Variants in BTAF1 observed in about 807,000 individuals in gnomAD.
BTAF1 encodes the protein B-TFIID TATA-box binding protein associated factor 1, also known as TATA-binding protein-associated factor 172.
Under a neutral mutation model 227.1 loss-of-function variants are expected in BTAF1, and 38 were observed. That is an observed-to-expected ratio of 0.17 (90% CI 0.13 to 0.22). BTAF1 has a LOEUF of 0.22. BTAF1 is among the 10% of genes least tolerant of loss of function. BTAF1 has a pLI of 1.00. For missense variants in BTAF1, 1,598 were observed against 2,204.0 expected, an observed-to-expected ratio of 0.73 and a Z score of 5.51; for synonymous variants, 742 against 751.9, an observed-to-expected ratio of 0.99 and a Z score of 0.21.
At chr10:92,001,977 TATATATATACACAC>T (rs1215930078) in intron 25 of BTAF1, among the ~76,000 whole-genome samples, 6 of 70,606 alleles carry the variant, frequency 8.5e-5, no homozygotes, top group Non-Finnish European at 1.8e-4. Context: ...ACCATATATA[TATATATATACACAC>T]ACACACACAC....
Position 92,024,836 on chromosome 10 carries a change from G to C in BTAF1, c.4944G>C (p.Leu1648=). The C allele has an allele frequency of 6.2e-7, 1 of 1,612,980 alleles. No homozygotes were observed. The highest frequency in any genetic ancestry group is 2.2e-5 in the East Asian group (1 of 44,798). ...CTGTTGTGGCCCAGCACAGGATACT[G>C]ATATTCTGTCAGCTGAAAAGCATGC... is the stretch of plus-strand genomic sequence containing the variant. ...TESVVAQHRI[L]IFCQLKSMLD... The change falls in exon 35 of 38, where the codon CTG becomes CTC. Residue 1648 remains leucine (L), a synonymous_variant. Coordinates refer to ENST00000265990, the MANE Select transcript of BTAF1 (RefSeq NM_003972.3).
At position 92,019,066 on chromosome 10, in the gene BTAF1, G is replaced by A. The variant is rs1044465448; in HGVS notation, c.4863+131G>A. 4 of 938,672 alleles carry A rather than the reference G, an allele frequency of 4.3e-6. No homozygotes were observed. The African/African-American group carries it at 5.1e-5, about 12-fold the overall frequency. The allele number at this position is 938,672 out of a possible 1,614,324, so 58.1% of individuals were successfully genotyped here. A position where few individuals can be genotyped will look rare whatever the true frequency, so the allele number is the denominator to read the frequency against. ...TAAATTTGGTTAAATTTTTGATACA[G>A]CTTTTTGTAAAAATGTGGTTAAAAT... is the stretch of plus-strand genomic sequence containing the variant. On this transcript the variant is annotated intron_variant, in intron 34 of 37. Coordinates refer to ENST00000265990, the MANE Select transcript of BTAF1 (RefSeq NM_003972.3).
chr10:91,947,253 G>GT (rs2133839612), intron 4 of BTAF1, among the ~76,000 whole-genome samples: 1 of 152,192 alleles, frequency 6.6e-6, no homozygotes, highest in African/African-American at 2.4e-5. Flanking sequence ...GTATTGTTTT[G>GT]TTTGTTTCTC....
intron 25 of BTAF1, among the ~76,000 whole-genome samples, chr10:92,001,357 C>T (rs1202519446): frequency 6.6e-6 from 1 of 152,182 alleles, no homozygotes; most frequent in East Asian, 1.9e-4. Flanking sequence ...ACTGTGACAT[C>T]TTTGAGACTG....
chr10:91,931,829 G>A (rs547238003), intron 1 of BTAF1, among the ~76,000 whole-genome samples: 1 of 152,268 alleles, frequency 6.6e-6, no homozygotes, highest in South Asian at 2.1e-4. Context: ...TGTCCAATCT[G>A]CTGTCCTGAA....
At chr10:91,996,104 G>A (rs919605164) in intron 23 of BTAF1, among the ~76,000 whole-genome samples, 1 of 152,166 alleles carries the variant, frequency 6.6e-6, no homozygotes, top group African/African-American at 2.4e-5. Flanking sequence ...AGAATTGAGT[G>A]TTCCTATATG....
At chr10:91,951,111 C>CCA (rs908184501) in intron 4 of BTAF1, among the ~76,000 whole-genome samples, 7 of 152,074 alleles carry the variant, frequency 4.6e-5, no homozygotes, top group African/African-American at 1.7e-4. Context: ...CAGGTGTGAG[C>CCA]CACTGCACCT....
chr10:91,975,594 G>A (rs1042205063), intron 14 of BTAF1, among the ~76,000 whole-genome samples: 1 of 152,230 alleles, frequency 6.6e-6, no homozygotes, highest in Non-Finnish European at 1.5e-5. Flanking sequence ...AGAACCCAGT[G>A]TGATTCATCA....
intron 23 of BTAF1, among the ~76,000 whole-genome samples, chr10:91,995,058 T>A (rs951195232): frequency 6.6e-6 from 1 of 152,230 alleles, no homozygotes; most frequent in African/African-American, 2.4e-5. Context: ...GTGAAGCTGG[T>A]CAGTGGCAAA....
At chr10:91,966,535 A>G in intron 13 of BTAF1, 102 bp from the exon 14 acceptor site, 1 of 1,214,876 alleles carries the variant, frequency 8.2e-7, no homozygotes, top group South Asian at 1.5e-5. Flanking sequence ...CAAAAAAGTC[A>G]CATGGTGTCA....
At chr10:91,965,673 A>G (rs1312785521) in intron 13 of BTAF1, among the ~76,000 whole-genome samples, 1 of 152,216 alleles carries the variant, frequency 6.6e-6, no homozygotes, top group Non-Finnish European at 1.5e-5. Context: ...GAAATGTAGC[A>G]TGTTATTTGG....
intron 12 of BTAF1, among the ~76,000 whole-genome samples, chr10:91,963,696 T>C (rs1171284750): frequency 6.6e-6 from 1 of 152,236 alleles, no homozygotes; most frequent in Non-Finnish European, 1.5e-5. Flanking sequence ...CTAAATTTTT[T>C]TTATGATGAT....
At chr10:91,924,889 A>G (rs186343621) in intron 1 of BTAF1, among the ~76,000 whole-genome samples, 2 of 152,366 alleles carry the variant, frequency 1.3e-5, no homozygotes, top group African/African-American at 4.8e-5. Flanking sequence ...TTCCTCTGTG[A>G]TAGTGATCGG....
rs1037330791 is a variant in BTAF1 at position 92,009,204 on chromosome 10, A to C, written c.4099A>C (p.Ile1367Leu). The change falls in exon 28 of 38, where the codon ATA (isoleucine) becomes CTA (leucine). Residue 1367 changes from isoleucine to leucine, a missense_variant. This residue lies in a region of BTAF1 where 184 missense variants were observed against 341.1 expected (regional missense o/e 0.54). Transcript: ENST00000265990. ...LHYTGPPTERIRLQHQVKRHN... is the reference protein window; with the variant it reads ...LHYTGPPTERLRLQHQVKRHN... ...TTACACTGGACCTCCCACTGAAAGA[A>C]TAAGGTAAGAGTTGTATGACAATAA... 6.2e-7 allele frequency: 1 copy of C among 1,613,808 alleles called. No individual in the cohort carries two copies. The highest frequency in any genetic ancestry group is 1.7e-5 in the Admixed American group (1 of 59,972).
At chr10:91,924,609 A>G (rs1291236630) in intron 1 of BTAF1, among the ~76,000 whole-genome samples, 1 of 152,214 alleles carries the variant, frequency 6.6e-6, no homozygotes, top group East Asian at 1.9e-4. Context: ...TTGGCAGTAA[A>G]CATTCCAACG....
chr10:91,994,961 A>G (rs1267637701), intron 23 of BTAF1, among the ~76,000 whole-genome samples: 1 of 152,212 alleles, frequency 6.6e-6, no homozygotes, highest in Non-Finnish European at 1.5e-5. Context: ...GATGATCCTA[A>G]TAATACAGCT....
chr10:91,959,588 T>G (rs569875211), intron 9 of BTAF1, among the ~76,000 whole-genome samples, 197 bp from the exon 10 acceptor site: 1 of 152,092 alleles, frequency 6.6e-6, no homozygotes, highest in South Asian at 2.1e-4. Context: ...GGGACTATTC[T>G]ACTTTTTGGT....
chr10:91,978,962 T>C (rs1052886479), intron 14 of BTAF1, among the ~76,000 whole-genome samples: 1 of 152,048 alleles, frequency 6.6e-6, no homozygotes, highest in African/African-American at 2.4e-5. Flanking sequence ...GTAGTTATTT[T>C]TTCTGATCCT....
intron 9 of BTAF1, chr10:91,959,420 ATATGAGAACAACCT>A: frequency 2.0e-6 from 1 of 494,398 alleles, no homozygotes; most frequent in Non-Finnish European, 3.1e-6. Context: ...GGTGTGCTTG[ATATGAGAACAACCT>A]TAAGTAATTA....
Sources: gnomAD v4.1 joint callset for allele counts (sites outside exome capture counted in the v4.1 genomes callset) on GRCh38, gnomAD v4.1.1 for gene constraint, gnomAD v4.1.1 regional missense constraint, MANE v1.5 for transcripts, NCBI Gene and HGNC (gene_info 2026-07-23, HGNC 2026-07-21) for gene names.